The following PSD3 variants were observed in gnomAD, a reference collection of about 807,000 sequenced individuals.
The protein encoded by PSD3 is PH and SEC7 domain-containing protein 3.
A neutral mutation model predicts 105.5 loss-of-function variants in PSD3; 49 were observed. That is an observed-to-expected ratio of 0.46 (90% CI 0.37 to 0.59). PSD3 has a LOEUF of 0.59. Among genes scored for constraint, PSD3 ranks in the 20% least tolerant of loss-of-function variants. The pLI, the probability that PSD3 is intolerant of heterozygous loss-of-function variation, is 0.00. For missense variants in PSD3, 1,561 were observed against 1,263.8 expected (o/e 1.24, Z -3.57); for synonymous variants, 557 against 457.8 (o/e 1.22, Z -2.77).
chr8:18,604,041 T>A (rs755816869), intron 11 of PSD3, among the ~76,000 whole-genome samples: 1 of 152,184 alleles, frequency 6.6e-6, no homozygotes, highest in South Asian at 2.1e-4. Flanking sequence ...AAGTGGGGCA[T>A]TGCTTATAAA....
At chr8:19,058,932 C>A (rs370505669) in intron 1 of PSD3, among the ~76,000 whole-genome samples, 1 of 152,120 alleles carries the variant, frequency 6.6e-6, no homozygotes, top group African/African-American at 2.4e-5. Flanking sequence ...AGGATGGGCA[C>A]CCATAGCTGG....
At position 18,654,907 on chromosome 8, in the gene PSD3, T is replaced by C. The variant is rs113788805; in HGVS notation, c.2216+735A>G. Among the ~76,000 whole-genome samples, 839 of 152,278 alleles carry C rather than the reference T, an allele frequency of 5.5e-3. 7 individuals carry two copies. Among genetic ancestry groups the C allele is most frequent in the Non-Finnish European group, 9.0e-3 (615 of 68,018 alleles). On this transcript the variant is annotated intron_variant, in intron 10 of 15. Coordinates refer to ENST00000327040, the MANE Select transcript of PSD3 (RefSeq NM_015310.4). The stretch of plus-strand genomic sequence containing the variant: ...CATAGGAAATAAACCTGGAAAGCCA[T>C]GATCTATGATGATAGGAAGGAGATA...
At chr8:19,020,719 T>C (rs751503689) in intron 1 of PSD3, among the ~76,000 whole-genome samples, 1 of 152,042 alleles carries the variant, frequency 6.6e-6, no homozygotes, top group Non-Finnish European at 1.5e-5. Context: ...TAAGAAATGT[T>C]GAGATTCTGG....
chr8:18,838,369 T>C (rs534988881), intron 4 of PSD3, among the ~76,000 whole-genome samples: 2 of 152,296 alleles, frequency 1.3e-5, no homozygotes, highest in Non-Finnish European at 2.9e-5. Context: ...TGACCCTCCT[T>C]TGTGTCTTCT....
chr8:18,724,621 TAAATAA>T (rs758392345), intron 9 of PSD3, among the ~76,000 whole-genome samples: 4 of 151,694 alleles, frequency 2.6e-5, no homozygotes, highest in African/African-American at 7.2e-5. Context: ...CTAAAAAAAA[TAAATAA>T]AAATAAAAAT....
intron 10 of PSD3, among the ~76,000 whole-genome samples, chr8:18,634,073 C>T (rs903587304): frequency 6.6e-6 from 1 of 151,988 alleles, no homozygotes; most frequent in Non-Finnish European, 1.5e-5. Flanking sequence ...CTTTTGAGAA[C>T]AGTCTGCTCA....
chr8:18,604,709 G>A (rs1585362736), intron 11 of PSD3, among the ~76,000 whole-genome samples: 1 of 152,178 alleles, frequency 6.6e-6, no homozygotes, highest in East Asian at 1.9e-4. Context: ...GGGAAGAATG[G>A]TTTCATGGGC....
chr8:18,538,390 G>A (rs1799951142), intron 15 of PSD3, among the ~76,000 whole-genome samples: 1 of 152,182 alleles, frequency 6.6e-6, no homozygotes, highest in African/African-American at 2.4e-5. Context: ...TATGAAATCA[G>A]AGGACTGAAC....
At chr8:18,570,742 T>A (rs1027825722) in intron 14 of PSD3, among the ~76,000 whole-genome samples, 6 of 151,918 alleles carry the variant, frequency 3.9e-5, no homozygotes, top group Non-Finnish European at 7.4e-5. Flanking sequence ...TCACTGGCCA[T>A]CAGAGAAATG....
chr8:18,668,155 T>G (rs996012148), intron 9 of PSD3, among the ~76,000 whole-genome samples: 1 of 151,970 alleles, frequency 6.6e-6, no homozygotes. Context: ...GGCTGAAGGG[T>G]TCCTCAAGCG....
intron 2 of PSD3, among the ~76,000 whole-genome samples, chr8:18,929,730 A>C (rs1821612181): frequency 6.6e-6 from 1 of 152,202 alleles, no homozygotes; most frequent in Non-Finnish European, 1.5e-5. Context: ...TTGAGGACTA[A>C]CGGTGGCTTT....
intron 9 of PSD3, chr8:18,734,350 A>C (rs1473574493): frequency 1.3e-5 from 2 of 152,214 alleles, no homozygotes; most frequent in African/African-American, 4.8e-5. Context: ...GTATCTAATA[A>C]ATATAAACTG....
Position 18,872,514 on chromosome 8 carries a change from G to T in PSD3, c.350C>A (p.Ala117Asp). The T allele has an allele frequency of 6.2e-7, 1 of 1,614,098 alleles. No individual in the cohort carries two copies. Among genetic ancestry groups the T allele is most frequent in the Non-Finnish European group, 8.5e-7 (1 of 1,180,004 alleles). ...TTCCTTGAGATGACTTTGAGAGGGG[G>T]CCTCTCTGACATCTTTTGGTCCTTC... ...VTEGPKDVRE[A>D]PSQSHLKEQS... Residue 117 changes from alanine to aspartate, a missense_variant, in exon 3 of 16, where the codon GCC becomes GAC. Transcript: ENST00000327040.
At chr8:18,669,292 G>T (rs1012162208) in intron 9 of PSD3, among the ~76,000 whole-genome samples, 2 of 152,174 alleles carry the variant, frequency 1.3e-5, no homozygotes, top group African/African-American at 4.8e-5. Context: ...GCTCCCAGTG[G>T]AACATGAAAC....
At chr8:18,715,872 A>G (rs576487936) in intron 9 of PSD3, among the ~76,000 whole-genome samples, 2 of 152,372 alleles carry the variant, frequency 1.3e-5, no homozygotes, top group South Asian at 4.1e-4. Flanking sequence ...TGTGACAGGC[A>G]TTGTTCTAGG....
chr8:18,696,993 G>A (rs1038403383), intron 9 of PSD3, among the ~76,000 whole-genome samples: 5 of 151,702 alleles, frequency 3.3e-5, no homozygotes, highest in Non-Finnish European at 7.4e-5. Context: ...CCAGCACTTT[G>A]CCACTTTGCG....
At chr8:18,799,247 G>C in intron 8 of PSD3, 48 bp downstream of exon 8, 4 of 1,488,200 alleles carry the variant, frequency 2.7e-6, no homozygotes, top group Non-Finnish European at 3.8e-6. Context: ...TAAAAGCAGA[G>C]ATAAGCCCGA....
chr8:18,905,647 T>G (rs910480873), intron 2 of PSD3, among the ~76,000 whole-genome samples: 3 of 152,186 alleles, frequency 2.0e-5, no homozygotes, highest in African/African-American at 7.2e-5. Flanking sequence ...AAAACATATA[T>G]TGCCTATACT....
intron 1 of PSD3, among the ~76,000 whole-genome samples, chr8:18,966,810 TA>T (rs1421908360): frequency 6.6e-6 from 1 of 152,188 alleles, no homozygotes; most frequent in African/African-American, 2.4e-5. Flanking sequence ...TATTTAAATA[TA>T]TTTTTAAATG....
Sources: allele counts gnomAD v4.1 joint callset (sites outside exome capture counted in the v4.1 genomes callset), GRCh38; gene constraint gnomAD v4.1.1; transcripts MANE v1.5; gene names NCBI Gene and HGNC (gene_info 2026-07-23, HGNC 2026-07-21).